Variants in ADAMTS17 observed in about 807,000 individuals in gnomAD.
ADAMTS17 encodes ADAM metallopeptidase with thrombospondin type 1 motif 17, also known as A disintegrin and metalloproteinase with thrombospondin motifs 17.
Under a neutral mutation model 141.5 loss-of-function variants are expected in ADAMTS17, and 113 were observed. That is an observed-to-expected ratio of 0.80 (90% confidence interval 0.69 to 0.93). The LOEUF (loss-of-function observed/expected upper bound fraction) is 0.93, where lower values mean the gene tolerates loss of function less well. Ranked by LOEUF, ADAMTS17 falls within the 40% of genes least tolerant of loss-of-function variation. The pLI is 0.00. For synonymous variants in ADAMTS17, 768 were observed against 630.6 expected (o/e 1.22, Z -3.27); for missense variants, 1,659 against 1,517.9 (o/e 1.09, Z -1.54).
chr15:100,082,092 T>A (rs1194584058), intron 15 of ADAMTS17, among the ~76,000 whole-genome samples: 1 of 152,162 alleles, frequency 6.6e-6, no homozygotes, highest in African/African-American at 2.4e-5. Flanking sequence ...AGACCAAGAG[T>A]CTTGCTTCTG....
At chr15:100,088,164 C>A (rs1249540363) in intron 15 of ADAMTS17, among the ~76,000 whole-genome samples, 2 of 152,126 alleles carry the variant, frequency 1.3e-5, no homozygotes, top group Non-Finnish European at 2.9e-5. Context: ...AATCAATGTA[C>A]AAAAATCACA....
At chr15:100,114,503 G>A (rs1300232718) in intron 13 of ADAMTS17, among the ~76,000 whole-genome samples, 5 of 152,190 alleles carry the variant, frequency 3.3e-5, no homozygotes, top group African/African-American at 9.7e-5. Flanking sequence ...TGAGAGAAAT[G>A]AAACTGCAGA....
At chr15:100,144,447 G>C (rs1427002060) in intron 10 of ADAMTS17, among the ~76,000 whole-genome samples, 3 of 152,084 alleles carry the variant, frequency 2.0e-5, no homozygotes, top group African/African-American at 4.8e-5. Flanking sequence ...CTTCTTGTGA[G>C]GCTGACGCAG....
At chr15:100,142,609 C>T (rs1170359115) in intron 10 of ADAMTS17, among the ~76,000 whole-genome samples, 1 of 152,176 alleles carries the variant, frequency 6.6e-6, no homozygotes, top group Non-Finnish European at 1.5e-5. Context: ...TTTATATTCC[C>T]ATTTTGCAGA....
intron 18 of ADAMTS17, among the ~76,000 whole-genome samples, chr15:99,999,394 A>G (rs1034135831): frequency 9.9e-5 from 15 of 152,214 alleles, no homozygotes; most frequent in Non-Finnish European, 1.3e-4. Flanking sequence ...GATGCAGGGA[A>G]GGCCTCGCTG....
intron 10 of ADAMTS17, among the ~76,000 whole-genome samples, chr15:100,140,457 A>C (rs556214393): frequency 1.4e-5 from 2 of 140,880 alleles, no homozygotes; most frequent in African/African-American, 5.2e-5. Context: ...TCCAAGACAC[A>C]CACACACACA....
chr15:100,016,415 G>GT (rs2061289885), intron 18 of ADAMTS17, among the ~76,000 whole-genome samples: 1 of 152,214 alleles, frequency 6.6e-6, no homozygotes, highest in Non-Finnish European at 1.5e-5. Context: ...ACAAGTGTGA[G>GT]TTTTTTGGGG....
intron 15 of ADAMTS17, among the ~76,000 whole-genome samples, chr15:100,077,443 C>A (rs1324816826): frequency 7.6e-6 from 1 of 131,558 alleles, no homozygotes; most frequent in Admixed American, 8.1e-5. Context: ...GCCTGGGCAA[C>A]AGAGTGAGAC....
chr15:99,992,321 A>C (rs371536879), intron 20 of ADAMTS17, among the ~76,000 whole-genome samples: 1 of 152,192 alleles, frequency 6.6e-6, no homozygotes, highest in Non-Finnish European at 1.5e-5. Context: ...TTCAGTTGCT[A>C]AGACCATACA....
intron 2 of ADAMTS17, among the ~76,000 whole-genome samples, chr15:100,340,467 C>T (rs1167733180): frequency 6.6e-6 from 1 of 152,168 alleles, no homozygotes; most frequent in African/African-American, 2.4e-5. Context: ...AAGACAAACA[C>T]CCTTTCTCTC....
intron 15 of ADAMTS17, among the ~76,000 whole-genome samples, chr15:100,095,502 G>A (rs1265480589): frequency 6.6e-6 from 1 of 152,136 alleles, no homozygotes; most frequent in Non-Finnish European, 1.5e-5. Flanking sequence ...GGGGGAAAAT[G>A]AACTGAGAAG....
intron 7 of ADAMTS17, among the ~76,000 whole-genome samples, chr15:100,216,835 A>T (rs1006532984): frequency 5.3e-5 from 8 of 152,252 alleles, no homozygotes; most frequent in Non-Finnish European, 1.0e-4. Context: ...AGGTGAATTC[A>T]TAATAATTAA....
At chr15:100,339,388 G>A (rs962121299) in intron 2 of ADAMTS17, among the ~76,000 whole-genome samples, 1 of 152,196 alleles carries the variant, frequency 6.6e-6, no homozygotes, top group South Asian at 2.1e-4. Context: ...CAGCAAATGG[G>A]ATTCAGATGT....
At chr15:100,284,662 A>T (rs1002119521) in intron 3 of ADAMTS17, among the ~76,000 whole-genome samples, 1 of 152,130 alleles carries the variant, frequency 6.6e-6, no homozygotes. Flanking sequence ...CTCAGCAGAG[A>T]CCCACAGCAT....
At chr15:100,096,331 A>T in intron 15 of ADAMTS17, 25 bp downstream of exon 15, 1 of 1,612,372 alleles carries the variant, frequency 6.2e-7, no homozygotes, top group Non-Finnish European at 8.5e-7. Flanking sequence ...CTGTAGCCAC[A>T]GCAGCCCCAT....
chr15:100,117,390 T>C (rs1376644271), intron 12 of ADAMTS17, among the ~76,000 whole-genome samples: 1 of 143,116 alleles, frequency 7.0e-6, no homozygotes, highest in Non-Finnish European at 1.5e-5. Flanking sequence ...GGGTCTTCTC[T>C]GAAATGAAGA....
intron 3 of ADAMTS17, among the ~76,000 whole-genome samples, chr15:100,286,397 T>C (rs1479936214): frequency 6.6e-6 from 1 of 152,082 alleles, no homozygotes; most frequent in Non-Finnish European, 1.5e-5. Context: ...ACCGCTCCTA[T>C]GAAGTACTGT....
At chr15:100,058,698 A>G (rs1280597045) in intron 15 of ADAMTS17, among the ~76,000 whole-genome samples, 1 of 152,162 alleles carries the variant, frequency 6.6e-6, no homozygotes, top group Non-Finnish European at 1.5e-5. Context: ...CACGAGGTGG[A>G]GATAGAGCCA....
chr15:100,217,464 T>G (rs1596301479), intron 7 of ADAMTS17, among the ~76,000 whole-genome samples: 1 of 151,960 alleles, frequency 6.6e-6, no homozygotes, highest in African/African-American at 2.4e-5. Context: ...GTGGGCGTGG[T>G]GGTGGGTGCC....
Sources: allele counts gnomAD v4.1 joint callset (sites outside exome capture counted in the v4.1 genomes callset), GRCh38; gene constraint gnomAD v4.1.1; transcripts MANE v1.5; gene names NCBI Gene and HGNC (gene_info 2026-07-23, HGNC 2026-07-21).